Variants in PRKCE observed in about 807,000 individuals in gnomAD.
The protein encoded by PRKCE is protein kinase C epsilon type.
PRKCE carries 16 observed loss-of-function variants against 85.4 expected under a neutral mutation model. That is an observed-to-expected ratio of 0.19 (90% CI 0.13 to 0.28). The LOEUF (loss-of-function observed/expected upper bound fraction) is 0.28, where lower values mean the gene tolerates loss of function less well. Ranked by LOEUF, PRKCE falls within the 10% of genes least tolerant of loss-of-function variation. The pLI, the probability that PRKCE is intolerant of heterozygous loss-of-function variation, is 1.00. For missense variants in PRKCE, 573 were observed against 975.2 expected, an observed-to-expected ratio of 0.59 and a Z score of 5.49; for synonymous variants, 388 against 371.5, an observed-to-expected ratio of 1.04 and a Z score of -0.51.
intron 2 of PRKCE, among the ~76,000 whole-genome samples, chr2:45,900,816 T>C (rs1392014806): frequency 1.3e-5 from 2 of 152,262 alleles, no homozygotes; most frequent in Non-Finnish European, 2.9e-5. Context: ...AATTGATTCC[T>C]AAATTTATGC....
chr2:45,757,705 A>G (rs1684125561), intron 1 of PRKCE, among the ~76,000 whole-genome samples: 1 of 152,150 alleles, frequency 6.6e-6, no homozygotes, highest in South Asian at 2.1e-4. Context: ...GTGATAATTT[A>G]GAGATTCAAT....
intron 11 of PRKCE, among the ~76,000 whole-genome samples, chr2:46,094,524 G>A (rs997452130): frequency 6.6e-6 from 1 of 151,944 alleles, no homozygotes; most frequent in Non-Finnish European, 1.5e-5. Flanking sequence ...AACTAACACA[G>A]GAACAGAAAA....
At chr2:45,901,258 C>T (rs1349422263) in intron 2 of PRKCE, among the ~76,000 whole-genome samples, 3 of 152,180 alleles carry the variant, frequency 2.0e-5, no homozygotes, top group Non-Finnish European at 4.4e-5. Flanking sequence ...TACTCCTAAT[C>T]GGTTGCTTGA....
In PRKCE at chr2:46,122,841, G is replaced by A. The variant is rs192046546; in HGVS notation, c.1593-22252G>A. Reference sequence around the variant, plus strand: ...GGTCCAATGGTCAGGAAGTGGGGGCGCAGTGTTGAAACCTGGCTTTTTCTG... The same window carrying A: ...GGTCCAATGGTCAGGAAGTGGGGGCACAGTGTTGAAACCTGGCTTTTTCTG... On this transcript the variant is annotated intron_variant, in intron 11 of 14. Coordinates refer to ENST00000306156, the MANE Select transcript of PRKCE (RefSeq NM_005400.3). 2.4e-3 allele frequency among the ~76,000 whole-genome samples: 360 copies of A among 149,936 alleles called. 1 individual carries two copies. Among genetic ancestry groups the A allele is most frequent in the Middle Eastern group, 0.014 (4 of 284 alleles).
At chr2:45,789,728 C>T (rs932263129) in intron 1 of PRKCE, among the ~76,000 whole-genome samples, 2 of 152,140 alleles carry the variant, frequency 1.3e-5, no homozygotes, top group Admixed American at 1.3e-4. Context: ...TTGAAAATAC[C>T]CCTGCCACCC....
At chr2:45,990,399 G>A (rs1223551856) in intron 6 of PRKCE, among the ~76,000 whole-genome samples, 1 of 152,188 alleles carries the variant, frequency 6.6e-6, no homozygotes, top group Non-Finnish European at 1.5e-5. Flanking sequence ...ACTACGTCCA[G>A]TCCTCTCCAA....
chr2:46,062,148 C>A (rs1667204290), intron 10 of PRKCE, among the ~76,000 whole-genome samples: 1 of 152,142 alleles, frequency 6.6e-6, no homozygotes, highest in South Asian at 2.1e-4. Context: ...AGGCGTGAGC[C>A]ACCACACCCA....
At chr2:46,082,683 G>A (rs1247726412) in intron 10 of PRKCE, among the ~76,000 whole-genome samples, 1 of 152,212 alleles carries the variant, frequency 6.6e-6, no homozygotes, top group Admixed American at 6.5e-5. Context: ...GCTGGGAAGA[G>A]GCGAAGCCCA....
At chr2:46,117,777 T>A (rs1288048172) in intron 11 of PRKCE, among the ~76,000 whole-genome samples, 2 of 152,214 alleles carry the variant, frequency 1.3e-5, no homozygotes, top group Non-Finnish European at 2.9e-5. Flanking sequence ...TTATTATTAT[T>A]ACTGATCCCT....
intron 11 of PRKCE, among the ~76,000 whole-genome samples, chr2:46,140,453 C>T (rs7608723): frequency 0.95 from 144,130 of 152,256 alleles, 68,302 homozygotes; most frequent in East Asian, 1. Flanking sequence ...ACGTAAGGGA[C>T]TGGGACAACT....
chr2:46,047,277 C>T (rs1254486599), intron 10 of PRKCE, among the ~76,000 whole-genome samples: 1 of 152,176 alleles, frequency 6.6e-6, no homozygotes, highest in African/African-American at 2.4e-5. Flanking sequence ...TACAGGAAAT[C>T]TCATCTCCAG....
At chr2:46,084,800 TAC>T (rs1367495714) in intron 10 of PRKCE, among the ~76,000 whole-genome samples, 3 of 151,014 alleles carry the variant, frequency 2.0e-5, no homozygotes, top group Non-Finnish European at 4.4e-5. Context: ...AACCTTCCTC[TAC>T]AACTGATCTG....
chr2:45,896,179 A>G (rs1696126616), intron 2 of PRKCE, among the ~76,000 whole-genome samples: 1 of 152,212 alleles, frequency 6.6e-6, no homozygotes, highest in Non-Finnish European at 1.5e-5. Context: ...TATCCCTGCC[A>G]TGCCTAGAGT....
At chr2:45,732,411 T>C (rs1286957440) in intron 1 of PRKCE, among the ~76,000 whole-genome samples, 1 of 152,210 alleles carries the variant, frequency 6.6e-6, no homozygotes, top group Non-Finnish European at 1.5e-5. Context: ...ACCTATCATA[T>C]AACCAGGAGC....
At chr2:46,008,566 T>C (rs1705399593) in intron 9 of PRKCE, among the ~76,000 whole-genome samples, 1 of 152,146 alleles carries the variant, frequency 6.6e-6, no homozygotes, top group Admixed American at 6.5e-5. Flanking sequence ...TGCCCTGGCA[T>C]GTCCTGGACT....
At chr2:46,075,015 A>T (rs749982053) in intron 10 of PRKCE, among the ~76,000 whole-genome samples, 40 of 152,120 alleles carry the variant, frequency 2.6e-4, no homozygotes, top group Non-Finnish European at 5.0e-4. Flanking sequence ...GAACAAGAAT[A>T]CTTTCATTTC....
chr2:46,165,247 C>T (rs1678223485), intron 14 of PRKCE, among the ~76,000 whole-genome samples: 1 of 152,218 alleles, frequency 6.6e-6, no homozygotes, highest in Admixed American at 6.5e-5. Flanking sequence ...TACGTACTCT[C>T]CCTCCTCCAC....
chr2:45,682,269 T>G (rs1383661048), intron 1 of PRKCE, among the ~76,000 whole-genome samples: 1 of 152,224 alleles, frequency 6.6e-6, no homozygotes, highest in East Asian at 1.9e-4. Context: ...ATAACATGAT[T>G]TCTTACTCAT....
rs569479260 is a variant in PRKCE at position 45,938,526 on chromosome 2, A to G, written c.413-37903A>G. 5.3e-5 allele frequency among the ~76,000 whole-genome samples: 8 copies of G among 152,110 alleles called. No individual in the cohort carries two copies. The South Asian group carries it at 1.5e-3, about 28-fold the overall frequency. On this transcript the variant is annotated intron_variant, in intron 2 of 14. Transcript: ENST00000306156. Reference sequence around the variant, plus strand: ...TGATTGACCTGTTGTGTCCCTTTCAACATTTCAGCGCCCACCCCTCAAACC... The same window carrying G: ...TGATTGACCTGTTGTGTCCCTTTCAGCATTTCAGCGCCCACCCCTCAAACC...
Sources: allele counts gnomAD v4.1 joint callset (sites outside exome capture counted in the v4.1 genomes callset), GRCh38; gene constraint gnomAD v4.1.1; transcripts MANE v1.5; gene names NCBI Gene and HGNC (gene_info 2026-07-23, HGNC 2026-07-21).